The following GRM8 variants were observed in gnomAD, a reference collection of about 807,000 sequenced individuals.
The protein encoded by GRM8 is metabotropic glutamate receptor 8.
GRM8 carries 47 observed loss-of-function variants against 87.2 expected under a neutral mutation model. The ratio of observed to expected loss-of-function variants is 0.54; its 90% CI spans 0.43 to 0.69. The LOEUF is 0.69. Among genes scored for constraint, GRM8 ranks in the 30% least tolerant of loss-of-function variants. The pLI, the probability that GRM8 is intolerant of heterozygous loss-of-function variation, is 0.00. For missense variants in GRM8, 1,019 were observed against 1,139.2 expected (o/e 0.89, Z 1.52); for synonymous variants, 396 against 404.5 (o/e 0.98, Z 0.25).
chr7:126,465,284 T>C (rs1804357535), intron 9 of GRM8: 1 of 151,670 alleles, frequency 6.6e-6, no homozygotes. Flanking sequence ...CCAGACTGTC[T>C]TCGCTCTTCT....
intron 3 of GRM8, among the ~76,000 whole-genome samples, chr7:127,075,489 G>A (rs148120309): frequency 1.4e-4 from 21 of 152,164 alleles, no homozygotes; most frequent in African/African-American, 4.8e-4. Context: ...TAAACTTTTA[G>A]TCAGGGCGAA....
intron 2 of GRM8, among the ~76,000 whole-genome samples, chr7:127,221,137 T>C (rs1796901855): frequency 1.3e-5 from 2 of 152,198 alleles, no homozygotes; most frequent in Admixed American, 1.3e-4. Flanking sequence ...CTAAATCAAG[T>C]GTTCTCAATC....
At chr7:127,060,164 A>G (rs981709057) in intron 3 of GRM8, among the ~76,000 whole-genome samples, 1 of 152,236 alleles carries the variant, frequency 6.6e-6, no homozygotes, top group Admixed American at 6.5e-5. Flanking sequence ...TCGAAAGGCA[A>G]GTTTTCAAAC....
intron 1 of GRM8, among the ~76,000 whole-genome samples, chr7:127,250,312 G>A (rs1798796279): frequency 6.6e-6 from 1 of 152,170 alleles, no homozygotes; most frequent in Non-Finnish European, 1.5e-5. Flanking sequence ...ATTCCTTTTG[G>A]ATGTAGATGT....
At chr7:126,793,668 A>G (rs1821623737) in intron 6 of GRM8, among the ~76,000 whole-genome samples, 1 of 152,238 alleles carries the variant, frequency 6.6e-6, no homozygotes, top group African/African-American at 2.4e-5. Context: ...TAACCTATAG[A>G]GTCACAATGC....
intron 3 of GRM8, among the ~76,000 whole-genome samples, chr7:126,934,491 T>C (rs1338180795): frequency 2.0e-5 from 3 of 152,172 alleles, no homozygotes; most frequent in African/African-American, 7.2e-5. Flanking sequence ...TTCAAATGAC[T>C]GGCAATATTA....
chr7:127,036,742 A>G lies in GRM8; in HGVS notation c.727+69754T>C, dbSNP rs371889708. Reference sequence around the variant, plus strand: ...TACGCCGCACAGAGTGCCCTTCATTATGATTCTGGGGAGAGAGCCCTGTCT... The same window carrying G: ...TACGCCGCACAGAGTGCCCTTCATTGTGATTCTGGGGAGAGAGCCCTGTCT... On this transcript the variant is annotated intron_variant, in intron 3 of 10. Coordinates refer to ENST00000339582, the MANE Select transcript of GRM8 (RefSeq NM_000845.3). Among the ~76,000 whole-genome samples the G allele has an allele frequency of 1.4e-4, 22 of 152,252 alleles. No individual in the cohort carries two copies. In the East Asian group the frequency reaches 3.9e-3, roughly 27 times the overall value.
intron 3 of GRM8, among the ~76,000 whole-genome samples, chr7:126,973,516 G>A (rs1410386070): frequency 6.6e-6 from 1 of 152,210 alleles, no homozygotes; most frequent in Non-Finnish European, 1.5e-5. Context: ...CCTGGCAAGA[G>A]AGAAACCAAT....
At chr7:126,848,010 G>A (rs1010962819) in intron 6 of GRM8, among the ~76,000 whole-genome samples, 8 of 152,190 alleles carry the variant, frequency 5.3e-5, no homozygotes, top group Admixed American at 1.3e-4. Context: ...AGACCAGTTA[G>A]GAGGTTATTG....
chr7:126,596,803 T>C (rs1279936083), intron 8 of GRM8, among the ~76,000 whole-genome samples: 2 of 152,102 alleles, frequency 1.3e-5, no homozygotes, highest in African/African-American at 4.8e-5. Context: ...TATATAAATG[T>C]CAATATCCTA....
intron 7 of GRM8, among the ~76,000 whole-genome samples, chr7:126,726,065 T>C (rs1812933940): frequency 6.6e-6 from 1 of 152,162 alleles, no homozygotes; most frequent in Non-Finnish European, 1.5e-5. Flanking sequence ...CTGTGTTTCA[T>C]TTTGAAGAAA....
chr7:126,781,402 G>A (rs1820061316), intron 6 of GRM8, among the ~76,000 whole-genome samples: 1 of 152,148 alleles, frequency 6.6e-6, no homozygotes, highest in African/African-American at 2.4e-5. Flanking sequence ...CAGAGAAAGA[G>A]ATGGCATCAG....
intron 7 of GRM8, among the ~76,000 whole-genome samples, chr7:126,758,366 T>C (rs1817237401): frequency 6.6e-6 from 1 of 152,128 alleles, no homozygotes; most frequent in East Asian, 1.9e-4. Context: ...TAAAGGCTTA[T>C]AAAATATAAA....
intron 6 of GRM8, among the ~76,000 whole-genome samples, chr7:126,841,507 T>C (rs1347997933): frequency 2.0e-5 from 3 of 152,076 alleles, no homozygotes; most frequent in Admixed American, 2.0e-4. Flanking sequence ...GAATGTCACT[T>C]CCACTGCATT....
At chr7:127,193,905 C>A (rs1040215530) in intron 2 of GRM8, among the ~76,000 whole-genome samples, 1 of 152,052 alleles carries the variant, frequency 6.6e-6, no homozygotes, top group African/African-American at 2.4e-5. Flanking sequence ...ACATAAGATC[C>A]CAAAAGCATC....
At chr7:126,862,595 C>T (rs999545763) in intron 6 of GRM8, among the ~76,000 whole-genome samples, 8 of 152,084 alleles carry the variant, frequency 5.3e-5, no homozygotes, top group African/African-American at 1.7e-4. Flanking sequence ...TGACTGCATG[C>T]ATCCTTGTGG....
intron 9 of GRM8, among the ~76,000 whole-genome samples, chr7:126,520,843 C>T (rs1352631712): frequency 6.6e-6 from 1 of 152,140 alleles, no homozygotes; most frequent in East Asian, 1.9e-4. Context: ...ATCTTCTATA[C>T]ATATTCTTCT....
At chr7:126,606,343 T>C (rs1798344582) in intron 8 of GRM8, among the ~76,000 whole-genome samples, 2 of 152,172 alleles carry the variant, frequency 1.3e-5, no homozygotes, top group East Asian at 1.9e-4. Context: ...ATAAGTAACA[T>C]TTATAGATCT....
At chr7:127,245,803 T>C (rs1156957609) in intron 1 of GRM8, among the ~76,000 whole-genome samples, 1 of 152,128 alleles carries the variant, frequency 6.6e-6, no homozygotes, top group Non-Finnish European at 1.5e-5. Flanking sequence ...TTGCTGGAGT[T>C]TCCGTCTCTG....
Sources: allele counts gnomAD v4.1 joint callset (sites outside exome capture counted in the v4.1 genomes callset), GRCh38; gene constraint gnomAD v4.1.1; transcripts MANE v1.5; gene names NCBI Gene and HGNC (gene_info 2026-07-23, HGNC 2026-07-21).